Variants in APOL4 observed in about 807,000 individuals in gnomAD.
The protein encoded by APOL4 is apolipoprotein L4.
A neutral mutation model predicts 12.1 loss-of-function variants in APOL4; 14 were observed. That is an observed-to-expected ratio of 1.16 (90% confidence interval 0.76 to 1.81). The LOEUF (loss-of-function observed/expected upper bound fraction) is 1.81. Ranked by LOEUF, APOL4 falls within the 40% of genes most tolerant of loss-of-function variation. APOL4 has a pLI of 0.00. For synonymous variants in APOL4, 171 were observed against 160.6 expected, an observed-to-expected ratio of 1.06 and a Z score of -0.49; for missense variants, 432 against 423.1, an observed-to-expected ratio of 1.02 and a Z score of -0.18.
At position 36,189,478 on chromosome 22, in the gene APOL4, C is replaced by T. The variant is rs1053983; in HGVS notation, c.*1597G>A. The T allele has an allele frequency of 0.56, 84,529 of 152,012 alleles. 24,071 individuals carry two copies. The highest frequency in any genetic ancestry group is 0.82 in the East Asian group (4,217 of 5,146). 9.4% of individuals were successfully genotyped at this position (152,012 alleles called of 1,614,324 possible). ...CCACTGGCTGACTCAGATACACCCC[C>T]GGGAGGACAAGGGAGAGTGGATGCT... On this transcript the variant is annotated 3_prime_UTR_variant, in exon 4 of 4. Transcript: ENST00000683024.
In APOL4 at chr22:36,200,932, A is replaced by G. The variant is rs888489620; in HGVS notation, c.35+768T>C. The stretch of plus-strand genomic sequence containing the variant: ...GCAGTTGAGATGTGAAGCACTGAAC[A>G]AAGGAGAAGGAGGATTAATATTGTC... On this transcript the variant is annotated intron_variant, in intron 1 of 3. Coordinates refer to ENST00000683024, the MANE Select transcript of APOL4 (RefSeq NM_001386885.1). Among the ~76,000 whole-genome samples, 19 of 152,352 alleles carry G rather than the reference A, an allele frequency of 1.2e-4. No homozygotes were observed. The South Asian group carries it at 2.5e-3, about 20-fold the overall frequency.
chr22:36,199,233 A>G, intron 2 of APOL4, 97 bp downstream of exon 2: 1 of 1,535,734 alleles, frequency 6.5e-7, no homozygotes, highest in Non-Finnish European at 9.0e-7. Flanking sequence ...GGGCTCACTC[A>G]GCCTTGAAGA....
chr22:36,191,428 C>G lies in APOL4; in HGVS notation c.694G>C (p.Asp232His), dbSNP rs1258416144. ...ATCATTTTTGTGGCTTCGTCAAAATCAAGTGCAAAAGAAAGCACATTGGGT... is the reference window on the plus strand; with the variant it reads ...ATCATTTTTGTGGCTTCGTCAAAATGAAGTGCAAAAGAAAGCACATTGGGT... ...ITPNVLSFAL[D>H]FDEATKMIAN... The change falls in exon 4 of 4, where the codon GAT (aspartate) becomes CAT (histidine). Residue 232 changes from aspartate (D) to histidine (H), a missense_variant. By Grantham distance (81) the Asp-to-His change is moderately conservative (BLOSUM62 -1). Transcript: ENST00000683024. The G allele has an allele frequency of 6.2e-7, 1 of 1,614,054 alleles. No homozygotes were observed. Among genetic ancestry groups the G allele is most frequent in the Non-Finnish European group, 8.5e-7 (1 of 1,179,896 alleles).
Position 36,191,216 on chromosome 22 carries a change from T to C in APOL4, c.906A>G (p.Val302=), listed in dbSNP as rs2014235701. The C allele has an allele frequency of 1.2e-6, 2 of 1,613,992 alleles. No homozygotes were observed. The highest frequency in any genetic ancestry group is 2.2e-5 in the South Asian group (2 of 91,078). The change falls in exon 4 of 4, where the codon GTA becomes GTG. Residue 302 remains valine, a synonymous_variant. Transcript: ENST00000683024. ...ATSGVLVVLD[V]VNLVQDSLDL... is the part of the protein sequence containing the mutation. ...CCAGTGAGTCTTGCACAAGGTTGAC[T>C]ACATCCAGCACAACAAGGACACCTG... is the stretch of plus-strand genomic sequence containing the variant.
chr22:36,204,690 A>C, upstream of APOL4: 22 of 577,796 alleles, frequency 3.8e-5, no homozygotes, highest in Non-Finnish European at 5.7e-5. Context: ...TGTGGATCTC[A>C]CCTCCAGCTG....
In APOL4 at chr22:36,189,293, T is replaced by G. The variant is rs1041223828; in HGVS notation, c.*1782A>C. The G allele has an allele frequency of 6.6e-6, 1 of 152,176 alleles. No homozygotes were observed. Among genetic ancestry groups the G allele is most frequent in the African/African-American group, 2.4e-5 (1 of 41,410 alleles). 9.4% of individuals were successfully genotyped at this position (152,176 alleles called of 1,614,324 possible). On this transcript the variant is annotated 3_prime_UTR_variant, in exon 4 of 4. Transcript: ENST00000683024. ...TTTTACTTGGTTGGTTCTCAGATAC[T>G]CTCCAGGATGTTTGGATTCTCAGAG...
Position 36,191,609 on chromosome 22 carries a change from A to G in APOL4, c.513T>C (p.Ala171=). 1 of 1,613,634 alleles carries G rather than the reference A, an allele frequency of 6.2e-7. No homozygotes were observed. The highest frequency in any genetic ancestry group is 1.1e-5 in the South Asian group (1 of 91,034). The part of the protein sequence containing the change: ...TAGLSLSITA[A]GVGLGIASAT... ...CAGATGCTATTCCCAGCCCTACCCCAGCTGCAGTAATGCTCAGGCTCAGCC... is the reference window on the plus strand; with the variant it reads ...CAGATGCTATTCCCAGCCCTACCCCGGCTGCAGTAATGCTCAGGCTCAGCC... Residue 171 remains alanine (A), a synonymous_variant, in exon 4 of 4, where the codon GCT becomes GCC. Coordinates refer to ENST00000683024, the MANE Select transcript of APOL4 (RefSeq NM_001386885.1).
At chr22:36,204,757 C>T (rs1207927016), upstream of APOL4, 22 of 291,312 alleles carry the variant, frequency 7.6e-5, no homozygotes, top group Non-Finnish European at 1.3e-4. Flanking sequence ...CCCAGGAATT[C>T]GAAAGGTAAA....
chr22:36,193,874 G>T (rs967249738), intron 3 of APOL4, among the ~76,000 whole-genome samples: 1 of 152,160 alleles, frequency 6.6e-6, no homozygotes, highest in South Asian at 2.1e-4. Context: ...CCACCTTACT[G>T]CCTCCTGACC....
In APOL4 at chr22:36,197,392, GT is replaced by G. The variant is rs546961964; in HGVS notation, c.82+1937del. The G allele has an allele frequency of 1.9e-3, 854 of 450,162 alleles. 5 individuals are homozygous for G. The highest frequency in any genetic ancestry group is 0.016 in the African/African-American group (805 of 49,574). 27.9% of individuals were successfully genotyped at this position (450,162 alleles called of 1,614,324 possible). On this transcript the variant is annotated intron_variant, in intron 2 of 3. Transcript: ENST00000683024. ...ACTTGGCTGGGCGAGGGATTGTCTT[GT>G]TTTTTCTTTTTCCTTCTTCACCAAA...
rs774986936 is a variant in APOL4 at position 36,191,703 on chromosome 22, G to T, written c.419C>A (p.Ala140Asp). ...GCCAGTGGAGCCAGACACCACATTG[G>T]CGATGACGCAGCCTCTGTGGACCTT... is the stretch of plus-strand genomic sequence containing the variant. ...IEKVHRGCVI[A>D]NVVSGSTGIL... The change falls in exon 4 of 4, where the codon GCC (alanine) becomes GAC (aspartate). Residue 140 changes from alanine (A) to aspartate (D), a missense_variant. Coordinates refer to ENST00000683024, the MANE Select transcript of APOL4 (RefSeq NM_001386885.1). 1.4e-5 allele frequency: 22 copies of T among 1,613,942 alleles called. No homozygotes were observed. The highest frequency in any genetic ancestry group is 1.6e-5 in the Non-Finnish European group (19 of 1,179,916).
In APOL4 at chr22:36,191,579, C is replaced by A. The variant is rs72487618; in HGVS notation, c.543G>T (p.Thr181=). Residue 181 remains threonine (T), a synonymous_variant, in exon 4 of 4, where the codon ACG becomes ACT. Transcript: ENST00000683024. ...AGVGLGIASA[T]AGIASSIVEN... ...CCACGATGCTGGAGGCGATCCCAGC[C>A]GTGGCAGATGCTATTCCCAGCCCTA... The A allele has an allele frequency of 6.2e-7, 1 of 1,613,534 alleles. No individual in the cohort carries two copies. The highest frequency in any genetic ancestry group is 1.3e-5 in the African/African-American group (1 of 74,922).
chr22:36,193,567 G>A (rs113674268), intron 3 of APOL4, among the ~76,000 whole-genome samples: 5 of 152,302 alleles, frequency 3.3e-5, no homozygotes, highest in Admixed American at 2.0e-4. Flanking sequence ...AGTGAGTTAC[G>A]TGAGTCCTTG....
intron 2 of APOL4, among the ~76,000 whole-genome samples, chr22:36,198,549 G>A (rs1180990568): frequency 6.6e-6 from 1 of 152,178 alleles, no homozygotes; most frequent in Non-Finnish European, 1.5e-5. Context: ...CTTGTGACAG[G>A]CAGTGCAGGG....
At chr22:36,203,337 G>A (rs1455662062), upstream of APOL4, among the ~76,000 whole-genome samples, 1 of 152,222 alleles carries the variant, frequency 6.6e-6, no homozygotes, top group Non-Finnish European at 1.5e-5. Context: ...GCGGGGGTAG[G>A]TTAGTGAGGG....
rs543841910 is a variant in APOL4 at position 36,191,040 on chromosome 22, C to T, written c.*35G>A. On this transcript the variant is annotated 3_prime_UTR_variant, in exon 4 of 4. Transcript: ENST00000683024. ...CTGCCATGGCTTCAGCCAGTCCCTC[C>T]GTTTGGGGTCCCTGACTTCCCGCAA... 131 of 1,532,890 alleles carry T rather than the reference C, an allele frequency of 8.5e-5. No homozygotes were observed. The highest frequency in any genetic ancestry group is 5.6e-4 in the South Asian group (46 of 81,902). The allele number at this position is 1,532,890 out of a possible 1,614,324, so 95.0% of individuals were successfully genotyped here.
chr22:36,195,593 C>T (rs132705), intron 2 of APOL4, among the ~76,000 whole-genome samples, 156 bp from the exon 3 acceptor site: 29,723 of 151,958 alleles, frequency 0.2, 3,684 homozygotes, highest in South Asian at 0.33. Flanking sequence ...TTGTGTGCCC[C>T]CCAAATTCAA....
upstream of APOL4, chr22:36,204,734 C>T (rs944062739): frequency 1.7e-5 from 6 of 359,548 alleles, no homozygotes; most frequent in Non-Finnish European, 3.1e-5. Context: ...CGTCCTCCAG[C>T]CCCCAAGATA....
chr22:36,193,289 C>T (rs909247891), intron 3 of APOL4, among the ~76,000 whole-genome samples: 1 of 152,182 alleles, frequency 6.6e-6, no homozygotes, highest in African/African-American at 2.4e-5. Flanking sequence ...GGGAGCTGGG[C>T]TCAGTCTCCC....
Sources: allele counts gnomAD v4.1 joint callset (sites outside exome capture counted in the v4.1 genomes callset), GRCh38; gene constraint gnomAD v4.1.1; transcripts MANE v1.5; gene names NCBI Gene and HGNC (gene_info 2026-07-23, HGNC 2026-07-21).